The following EPHX1 variants were observed in gnomAD, a reference collection of about 807,000 sequenced individuals.
EPHX1 encodes epoxide hydrolase 1.
EPHX1 carries 40 observed loss-of-function variants against 43.2 expected under a neutral mutation model. The observed-to-expected ratio is 0.93, with a 90% CI of 0.72 to 1.21. The LOEUF (loss-of-function observed/expected upper bound fraction) is 1.21, where lower values mean the gene tolerates loss of function less well. Among genes scored for constraint, EPHX1 ranks in the 50% most tolerant of loss-of-function variants. The probability of loss-of-function intolerance (pLI) is 0.00; values close to 1 mark genes in which losing one functional copy is unlikely to be tolerated. For synonymous variants in EPHX1, 221 were observed against 226.7 expected (o/e 0.98, Z 0.22); for missense variants, 550 against 570.4 (o/e 0.96, Z 0.36).
chr1:225,811,257 G>T (rs1434011132), intron 1 of EPHX1, among the ~76,000 whole-genome samples: 1 of 152,176 alleles, frequency 6.6e-6, no homozygotes, highest in East Asian at 1.9e-4. Flanking sequence ...CGGCTCCCGA[G>T]ATCTTGGAGG....
chr1:225,812,272 TAAC>T (rs951663610), intron 1 of EPHX1, among the ~76,000 whole-genome samples: 21 of 152,206 alleles, frequency 1.4e-4, no homozygotes, highest in African/African-American at 4.1e-4. Context: ...CCACAGAAAA[TAAC>T]TACTCAGCAA....
At chr1:225,822,116 A>G (rs1575989115) in intron 1 of EPHX1, among the ~76,000 whole-genome samples, 1 of 152,214 alleles carries the variant, frequency 6.6e-6, no homozygotes, top group African/African-American at 2.4e-5. Context: ...ACTTCAGTGT[A>G]GAATTGGAAT....
At chr1:225,838,584 G>T in intron 3 of EPHX1, 70 bp from the exon 4 acceptor site, 1 of 1,383,946 alleles carries the variant, frequency 7.2e-7, no homozygotes, top group Non-Finnish European at 1.0e-6. Context: ...CTAGGCTCTG[G>T]GGGGTGCCAG....
At chr1:225,844,409 G>T in intron 7 of EPHX1, 89 bp from the exon 8 acceptor site, 1 of 1,604,516 alleles carries the variant, frequency 6.2e-7, no homozygotes, top group Non-Finnish European at 8.5e-7. Context: ...GCATGGGCAG[G>T]GCCTGGCATT....
intron 6 of EPHX1, chr1:225,840,836 T>C (rs1668336654): frequency 6.6e-6 from 1 of 152,284 alleles, no homozygotes; most frequent in Non-Finnish European, 1.5e-5. Context: ...TCAAAGTTCT[T>C]CATAGTTTTC....
At position 225,839,732 on chromosome 1, in the gene EPHX1, G is replaced by A. The variant is rs931729287; in HGVS notation, c.723-97G>A. ...GCTGAAAGAGGCTGGCTCTGTGCTCGCTCCTCAGCCCTGAGGCCTGTTCCT... is the reference window on the plus strand; with the variant it reads ...GCTGAAAGAGGCTGGCTCTGTGCTCACTCCTCAGCCCTGAGGCCTGTTCCT... On this transcript the variant is annotated intron_variant, in intron 5 of 8. Transcript: ENST00000272167. 4.1e-5 allele frequency: 54 copies of A among 1,313,174 alleles called. 2 individuals are homozygous for A. The South Asian group carries it at 4.2e-4, about 10-fold the overall frequency. The allele number at this position is 1,313,174 out of a possible 1,614,324, so 81.3% of individuals were successfully genotyped here.
In EPHX1 at chr1:225,810,153, G is replaced by A. The variant is rs992611799; in HGVS notation, c.-22G>A. The A allele has an allele frequency of 6.6e-6, 1 of 151,782 alleles. No individual in the cohort carries two copies. Among genetic ancestry groups the A allele is most frequent in the African/African-American group, 2.4e-5 (1 of 41,390 alleles). The allele number at this position is 151,782 out of a possible 1,614,324, so 9.4% of individuals were successfully genotyped here. On this transcript the variant is annotated 5_prime_UTR_variant, in exon 1 of 9. Coordinates refer to ENST00000272167, the MANE Select transcript of EPHX1 (RefSeq NM_001136018.4). Reference sequence around the variant, plus strand: ...AGATCGCGCGCCTGCCGCCGCCGGAGCCTGCGAGCCGAGACCGTAAGCGCC... The same window carrying A: ...AGATCGCGCGCCTGCCGCCGCCGGAACCTGCGAGCCGAGACCGTAAGCGCC...
intron 7 of EPHX1, among the ~76,000 whole-genome samples, chr1:225,842,954 G>A (rs976113916): frequency 2.0e-5 from 3 of 152,182 alleles, no homozygotes; most frequent in African/African-American, 7.2e-5. Context: ...GCCTGACTCA[G>A]GCTTCACCAA....
At chr1:225,828,042 A>C (rs1022862828) in intron 1 of EPHX1, among the ~76,000 whole-genome samples, 18 of 152,174 alleles carry the variant, frequency 1.2e-4, no homozygotes, top group Admixed American at 7.9e-4. Flanking sequence ...AAGCCTTCTC[A>C]GACATGCAAA....
chr1:225,826,447 CAAAAAAAAAA>C (rs374232833), intron 1 of EPHX1, among the ~76,000 whole-genome samples: 23 of 84,182 alleles, frequency 2.7e-4, no homozygotes, highest in Non-Finnish European at 4.5e-4. Flanking sequence ...GACTCTGTCT[CAAAAAAAAAA>C]AAAAAAAAAA....
At chr1:225,832,391 C>T (rs1667660318) in intron 3 of EPHX1, among the ~76,000 whole-genome samples, 2 of 152,154 alleles carry the variant, frequency 1.3e-5, no homozygotes, top group Non-Finnish European at 2.9e-5. Context: ...CAAAAAATAG[C>T]CAGGTGTGTT....
intron 1 of EPHX1, among the ~76,000 whole-genome samples, chr1:225,826,130 C>A (rs1172327820): frequency 3.9e-5 from 6 of 151,998 alleles, no homozygotes; most frequent in Non-Finnish European, 7.4e-5. Context: ...GACATAGGGT[C>A]CTTGGGGCCC....
In EPHX1 at chr1:225,823,418, G is replaced by A. The variant is rs980412062; in HGVS notation, c.-5-5307G>A. Among the ~76,000 whole-genome samples the A allele has an allele frequency of 3.3e-5, 5 of 152,184 alleles. No homozygotes were observed. In the South Asian group the frequency reaches 6.2e-4, roughly 19 times the overall value. ...GCTGTTTTGCAGGGAGCCATGGGAT[G>A]GGGAGTCTCCGGGAAACCCAGGCTG... On this transcript the variant is annotated intron_variant, in intron 1 of 8. Transcript: ENST00000272167.
chr1:225,835,942 T>C (rs935730974), intron 3 of EPHX1, among the ~76,000 whole-genome samples: 2 of 152,142 alleles, frequency 1.3e-5, no homozygotes, highest in African/African-American at 4.8e-5. Flanking sequence ...CTTACCCATG[T>C]GTGGTTCTGG....
chr1:225,815,849 C>T (rs1031786448), intron 1 of EPHX1, among the ~76,000 whole-genome samples: 2 of 152,136 alleles, frequency 1.3e-5, no homozygotes, highest in South Asian at 2.1e-4. Flanking sequence ...GCTTCCAGAT[C>T]GTGGAGCACA....
intron 3 of EPHX1, among the ~76,000 whole-genome samples, chr1:225,836,140 C>G (rs1195539833): frequency 6.6e-6 from 1 of 152,194 alleles, no homozygotes; most frequent in Non-Finnish European, 1.5e-5. Flanking sequence ...AAAGTTTGAA[C>G]TGTCACAGCC....
chr1:225,821,565 CTTTT>C (rs869228485), intron 1 of EPHX1, among the ~76,000 whole-genome samples: 74 of 69,842 alleles, frequency 1.1e-3, no homozygotes, highest in Middle Eastern at 0.014. Flanking sequence ...TTTTTTGGTT[CTTTT>C]TTTTTTTTTT....
rs1373573087 is a variant in EPHX1, at chr1:225,828,811, C to T, written c.82C>T (p.Pro28Ser). The T allele has an allele frequency of 5.6e-6, 9 of 1,613,648 alleles. No homozygotes were observed. Among genetic ancestry groups the T allele is most frequent in the Non-Finnish European group, 7.6e-6 (9 of 1,179,906 alleles). The change falls in exon 2 of 9, where the codon CCA (proline) becomes TCA (serine). Residue 28 changes from proline to serine, a missense_variant. Transcript: ENST00000272167. ...FISRDKEETL[P>S]LEDGWWGPGT... is the part of the protein sequence containing the mutation. ...CTCCCGGGACAAAGAGGAAACTTTG[C>T]CACTTGAAGATGGGTGGTGGGGGCC...
chr1:225,835,704 C>CT (rs112510399), intron 3 of EPHX1, among the ~76,000 whole-genome samples: 9,012 of 141,746 alleles, frequency 0.064, 327 homozygotes, highest in East Asian at 0.16. Flanking sequence ...TTTTTCTTTC[C>CT]TTTTTTTTTT....
Sources: gnomAD v4.1 joint callset for allele counts (sites outside exome capture counted in the v4.1 genomes callset) on GRCh38, gnomAD v4.1.1 for gene constraint, MANE v1.5 for transcripts, NCBI Gene and HGNC (gene_info 2026-07-23, HGNC 2026-07-21) for gene names.